AGBL1: variants seen among roughly 807,000 people sequenced by gnomAD.
AGBL1 encodes AGBL carboxypeptidase 1, also known as cytosolic carboxypeptidase 4.
In AGBL1, 130 loss-of-function variants were observed where a neutral mutation model predicts 118.9. The observed-to-expected ratio is 1.09, with a 90% CI of 0.95 to 1.26. The LOEUF (loss-of-function observed/expected upper bound fraction) is 1.26. AGBL1 is among the 50% of genes most tolerant of loss of function. The pLI, the probability that AGBL1 is intolerant of heterozygous loss-of-function variation, is 0.00. For missense variants in AGBL1, 1,584 were observed against 1,298.1 expected, an observed-to-expected ratio of 1.22 and a Z score of -3.38; for synonymous variants, 555 against 478.9, an observed-to-expected ratio of 1.16 and a Z score of -2.08.
intron 16 of AGBL1, among the ~76,000 whole-genome samples, chr15:86,292,221 G>A (rs560479606): frequency 1.4e-4 from 21 of 152,204 alleles, no homozygotes; most frequent in African/African-American, 4.8e-4. Flanking sequence ...AATCACAAGA[G>A]TCCTTATAAG....
At chr15:86,669,623 G>A (rs4322631) in intron 21 of AGBL1, among the ~76,000 whole-genome samples, 134,582 of 152,220 alleles carry the variant, frequency 0.88, 59,656 homozygotes, top group South Asian at 0.95. Context: ...TCCAAGATAA[G>A]GAGAAGATCT....
At chr15:86,162,648 T>C (rs1056444468) in intron 5 of AGBL1, among the ~76,000 whole-genome samples, 8 of 152,210 alleles carry the variant, frequency 5.3e-5, no homozygotes, top group Non-Finnish European at 7.3e-5. Flanking sequence ...ATGAGTCCCA[T>C]GCTAGTGGGA....
At chr15:86,300,281 C>T (rs545158124) in intron 17 of AGBL1, among the ~76,000 whole-genome samples, 1 of 152,190 alleles carries the variant, frequency 6.6e-6, no homozygotes, top group East Asian at 1.9e-4. Flanking sequence ...ACCATTTTAG[C>T]CTGGAGAAAG....
chr15:86,462,427 TC>T (rs1478889696), intron 18 of AGBL1, among the ~76,000 whole-genome samples: 2 of 152,028 alleles, frequency 1.3e-5, no homozygotes, highest in African/African-American at 2.4e-5. Context: ...TTTCTTTCTT[TC>T]TTTTTTTTAA....
intron 6 of AGBL1, among the ~76,000 whole-genome samples, chr15:86,245,812 C>T (rs533369919): frequency 1.3e-5 from 2 of 152,332 alleles, no homozygotes; most frequent in East Asian, 3.9e-4. Context: ...CTCACTACCA[C>T]GTAGAGTCTA....
At chr15:86,232,192 A>G (rs1230381883) in intron 6 of AGBL1, among the ~76,000 whole-genome samples, 1 of 152,202 alleles carries the variant, frequency 6.6e-6, no homozygotes, top group Non-Finnish European at 1.5e-5. Context: ...ATAAGTCCAT[A>G]GAAGAGCTTA....
At chr15:86,192,540 G>A (rs1428241487) in intron 5 of AGBL1, among the ~76,000 whole-genome samples, 1 of 152,024 alleles carries the variant, frequency 6.6e-6, no homozygotes, top group African/African-American at 2.4e-5. Flanking sequence ...CACTAAAGCT[G>A]TCTATGCACA....
At chr15:86,971,535 A>C (rs2081108708) in intron 23 of AGBL1, among the ~76,000 whole-genome samples, 1 of 152,006 alleles carries the variant, frequency 6.6e-6, no homozygotes. Flanking sequence ...TAAATAGTCA[A>C]GAACAGAAAA....
chr15:86,877,426 T>C (rs1327045876), intron 22 of AGBL1, among the ~76,000 whole-genome samples: 1 of 152,192 alleles, frequency 6.6e-6, no homozygotes, highest in Non-Finnish European at 1.5e-5. Flanking sequence ...CCATCTCTTC[T>C]GGAGGATATT....
Position 86,615,227 on chromosome 15 carries a change from T to C in AGBL1, c.2995-59046T>C, listed in dbSNP as rs1009653132. Among the ~76,000 whole-genome samples, 1 of 152,060 alleles carries C rather than the reference T, an allele frequency of 6.6e-6. No individual in the cohort carries two copies. Among genetic ancestry groups the C allele is most frequent in the African/African-American group, 2.4e-5 (1 of 41,400 alleles). On this transcript the variant is annotated intron_variant, in intron 21 of 22. Coordinates refer to ENST00000614907, the MANE Select transcript of AGBL1 (RefSeq NM_001386094.1). The surrounding 1 kb of genome is among the most constrained non-coding windows in gnomAD (Gnocchi z 4.3). ...GCAATGCGGGAGATTAATTCTAGCA[T>C]TGGAAGTAGAGTAGAGGGCCAGGGA... is the stretch of plus-strand genomic sequence containing the variant.
intron 21 of AGBL1, among the ~76,000 whole-genome samples, chr15:86,642,719 A>G (rs1006156007): frequency 6.6e-6 from 1 of 151,956 alleles, no homozygotes; most frequent in African/African-American, 2.4e-5. Flanking sequence ...TTTTGATTCT[A>G]TTTGCTTGGT....
intron 18 of AGBL1, among the ~76,000 whole-genome samples, chr15:86,520,059 G>A (rs1012205203): frequency 6.6e-6 from 1 of 152,160 alleles, no homozygotes; most frequent in Admixed American, 6.5e-5. Context: ...CTTGCCTGGA[G>A]TTCTTAGTCA....
chr15:86,124,861 A>G (rs1362811156), intron 1 of AGBL1, among the ~76,000 whole-genome samples: 1 of 152,246 alleles, frequency 6.6e-6, no homozygotes, highest in Non-Finnish European at 1.5e-5. Flanking sequence ...AACAGTCTAT[A>G]TAATGGCAGG....
intron 24 of AGBL1, among the ~76,000 whole-genome samples, chr15:87,015,350 G>GT (rs2081598979): frequency 6.6e-6 from 1 of 151,714 alleles, no homozygotes; most frequent in African/African-American, 2.4e-5. Flanking sequence ...TTATCTTTCT[G>GT]CCTGTCTGTC....
chr15:86,550,212 A>G (rs1018560633), intron 20 of AGBL1, among the ~76,000 whole-genome samples: 2 of 152,096 alleles, frequency 1.3e-5, no homozygotes, highest in African/African-American at 2.4e-5. Flanking sequence ...AGAAGATAGT[A>G]TAGGAGGAAC....
intron 24 of AGBL1, among the ~76,000 whole-genome samples, chr15:86,999,186 A>G (rs1457612151): frequency 6.8e-6 from 1 of 146,648 alleles, no homozygotes; most frequent in Non-Finnish European, 1.5e-5. Context: ...ACATGAACTC[A>G]TCATTTTTTT....
intron 24 of AGBL1, among the ~76,000 whole-genome samples, chr15:87,015,339 C>T (rs2081598760): frequency 6.6e-6 from 1 of 152,198 alleles, no homozygotes; most frequent in Middle Eastern, 3.4e-3. Flanking sequence ...TAATAAATCC[C>T]TTATCTTTCT....
At chr15:86,801,313 C>CTATCTA (rs1555451586) in intron 22 of AGBL1, among the ~76,000 whole-genome samples, 1 of 117,098 alleles carries the variant, frequency 8.5e-6, no homozygotes. Context: ...ATGATTACAT[C>CTATCTA]TATCTATCTA....
chr15:86,858,939 A>G (rs942039591), intron 22 of AGBL1, among the ~76,000 whole-genome samples: 4 of 151,988 alleles, frequency 2.6e-5, no homozygotes, highest in Non-Finnish European at 4.4e-5. Context: ...TATTACCTCC[A>G]CCTTATGGAG....
Sources: allele counts gnomAD v4.1 joint callset (sites outside exome capture counted in the v4.1 genomes callset), GRCh38; gene constraint gnomAD v4.1.1; non-coding constraint Gnocchi (gnomAD v3.1); transcripts MANE v1.5; gene names NCBI Gene and HGNC (gene_info 2026-07-23, HGNC 2026-07-21).